Variants in ENAH observed in about 807,000 individuals in gnomAD.
The protein encoded by ENAH is ENAH actin regulator.
In ENAH, 23 loss-of-function variants were observed where a neutral mutation model predicts 78.7. The ratio of observed to expected loss-of-function variants is 0.29; its 90% CI spans 0.21 to 0.41. The LOEUF is 0.41. Among genes scored for constraint, ENAH ranks in the 10% least tolerant of loss-of-function variants. ENAH has a pLI of 1.00. For synonymous variants in ENAH, 226 were observed against 241.0 expected, an observed-to-expected ratio of 0.94 and a Z score of 0.58; for missense variants, 544 against 691.0, an observed-to-expected ratio of 0.79 and a Z score of 2.39.
At chr1:225,499,528 C>T (rs1245469170) in intron 12 of ENAH, among the ~76,000 whole-genome samples, 3 of 152,020 alleles carry the variant, frequency 2.0e-5, no homozygotes, top group African/African-American at 4.8e-5. Context: ...AAAAGTTAGC[C>T]GGGCGTGGTA....
chr1:225,579,326 G>T (rs2096803073), intron 1 of ENAH, among the ~76,000 whole-genome samples: 1 of 152,154 alleles, frequency 6.6e-6, no homozygotes, highest in African/African-American at 2.4e-5. Flanking sequence ...TAAGAGGAAA[G>T]AATTTATTTG....
At chr1:225,533,973 GA>G (rs947187568) in intron 3 of ENAH, among the ~76,000 whole-genome samples, 7 of 151,980 alleles carry the variant, frequency 4.6e-5, no homozygotes, top group Admixed American at 1.3e-4. Context: ...ATAATGGGGG[GA>G]AATCTACTTT....
intron 4 of ENAH, among the ~76,000 whole-genome samples, chr1:225,521,753 AAGAAC>A: frequency 1.3e-5 from 2 of 152,144 alleles, no homozygotes; most frequent in Middle Eastern, 6.8e-3. Context: ...CTTGAAACAT[AAGAAC>A]GTTCAATGTG....
At chr1:225,557,218 C>T (rs563705418) in intron 2 of ENAH, among the ~76,000 whole-genome samples, 2 of 152,242 alleles carry the variant, frequency 1.3e-5, no homozygotes, top group East Asian at 3.9e-4. Context: ...TCTGAGGAGG[C>T]TCTTAAGTAT....
chr1:225,517,944 A>G, intron 5 of ENAH: 1 of 1,548,886 alleles, frequency 6.5e-7, no homozygotes, highest in Non-Finnish European at 8.7e-7. Flanking sequence ...GGCAACTGGA[A>G]TACTCAGGAA....
Position 225,489,541 on chromosome 1 carries a change from T to C in ENAH, c.*8234A>G, listed in dbSNP as rs2096212930. The C allele has an allele frequency of 6.6e-6, 1 of 152,108 alleles. No individual in the cohort carries two copies. Among genetic ancestry groups the C allele is most frequent in the Admixed American group, 6.5e-5 (1 of 15,270 alleles). 9.4% of individuals were successfully genotyped at this position (152,108 alleles called of 1,614,324 possible). On this transcript the variant is annotated 3_prime_UTR_variant, in exon 14 of 14. Transcript: ENST00000366843. ...AAGATGGGAGAGCCAAACTCAGATCTTTTTTCTCCTTCTCTTCAAAGATCA... is the reference window on the plus strand; with the variant it reads ...AAGATGGGAGAGCCAAACTCAGATCCTTTTTCTCCTTCTCTTCAAAGATCA...
At chr1:225,588,737 G>C (rs1026207070) in intron 1 of ENAH, among the ~76,000 whole-genome samples, 1 of 150,990 alleles carries the variant, frequency 6.6e-6, no homozygotes, top group African/African-American at 2.4e-5. Context: ...CATGGGAGGC[G>C]GAGGTTGCAG....
intron 4 of ENAH, among the ~76,000 whole-genome samples, chr1:225,525,066 C>T (rs2096494114): frequency 6.6e-6 from 1 of 152,132 alleles, no homozygotes; most frequent in Non-Finnish European, 1.5e-5. Context: ...CTAACGCTCA[C>T]CACTTCTGAT....
At chr1:225,615,598 G>C (rs2097023837) in intron 1 of ENAH, among the ~76,000 whole-genome samples, 1 of 151,784 alleles carries the variant, frequency 6.6e-6, no homozygotes, top group Non-Finnish European at 1.5e-5. Flanking sequence ...GGGAAGTGAG[G>C]AGCGTCTCTG....
At chr1:225,552,304 T>G (rs1575499755) in intron 3 of ENAH, among the ~76,000 whole-genome samples, 2 of 151,506 alleles carry the variant, frequency 1.3e-5, no homozygotes, top group Non-Finnish European at 2.9e-5. Context: ...GCCCGGCTAA[T>G]TTTTTTGTAT....
chr1:225,561,209 G>A (rs1435130146), intron 2 of ENAH, among the ~76,000 whole-genome samples: 3 of 152,174 alleles, frequency 2.0e-5, no homozygotes, highest in African/African-American at 7.2e-5. Context: ...CGCCAGCCTG[G>A]TGACAGTGAG....
chr1:225,535,732 A>T (rs1320155119), intron 3 of ENAH, among the ~76,000 whole-genome samples: 1 of 152,170 alleles, frequency 6.6e-6, no homozygotes, highest in African/African-American at 2.4e-5. Flanking sequence ...CATCCTCTTT[A>T]ACATAGGCTC....
At chr1:225,560,261 G>C (rs1043461214) in intron 2 of ENAH, among the ~76,000 whole-genome samples, 1 of 152,062 alleles carries the variant, frequency 6.6e-6, no homozygotes, top group Non-Finnish European at 1.5e-5. Context: ...GGAGGCTGAG[G>C]CAGGTAGATC....
At chr1:225,604,491 T>C (rs908595133) in intron 1 of ENAH, among the ~76,000 whole-genome samples, 1 of 151,856 alleles carries the variant, frequency 6.6e-6, no homozygotes, top group Non-Finnish European at 1.5e-5. Context: ...ATTTTAAAAT[T>C]GTACAAATGT....
intron 1 of ENAH, among the ~76,000 whole-genome samples, chr1:225,596,018 CTA>C (rs2096900284): frequency 1.3e-5 from 2 of 152,134 alleles, no homozygotes; most frequent in Non-Finnish European, 2.9e-5. Flanking sequence ...AATTTAGAAA[CTA>C]TAGTTTTCTC....
chr1:225,562,602 A>C (rs1019444912), intron 2 of ENAH, among the ~76,000 whole-genome samples: 34 of 127,052 alleles, frequency 2.7e-4, no homozygotes, highest in Non-Finnish European at 4.3e-4. Context: ...AAAAAAAAAA[A>C]CACACCCAAG....
At chr1:225,514,058 A>G (rs2096397775) in intron 7 of ENAH, among the ~76,000 whole-genome samples, 1 of 152,212 alleles carries the variant, frequency 6.6e-6, no homozygotes, top group Non-Finnish European at 1.5e-5. Flanking sequence ...AAAAAAGCAA[A>G]TACTGGTAAA....
At chr1:225,526,808 G>A (rs1426083997) in intron 4 of ENAH, among the ~76,000 whole-genome samples, 1 of 151,672 alleles carries the variant, frequency 6.6e-6, no homozygotes, top group East Asian at 1.9e-4. Context: ...GTTTTCTTCC[G>A]CTCCCTGCAT....
chr1:225,624,305 G>A (rs908144385), intron 1 of ENAH, among the ~76,000 whole-genome samples: 1 of 152,010 alleles, frequency 6.6e-6, no homozygotes, highest in Non-Finnish European at 1.5e-5. Context: ...GCTGGTAGAG[G>A]AAGAAAAGGA....
Sources: gnomAD v4.1 joint callset for allele counts (sites outside exome capture counted in the v4.1 genomes callset) on GRCh38, gnomAD v4.1.1 for gene constraint, MANE v1.5 for transcripts, NCBI Gene and HGNC (gene_info 2026-07-23, HGNC 2026-07-21) for gene names.